NUDT1: variants seen among roughly 807,000 people sequenced by gnomAD.
NUDT1 encodes oxidized purine nucleoside triphosphate hydrolase.
In NUDT1, 16 loss-of-function variants were observed where a neutral mutation model predicts 11.3. The observed-to-expected ratio is 1.41, with a 90% CI of 0.96 to 2.15. NUDT1 has a LOEUF of 2.15. NUDT1 is among the 30% of genes most tolerant of loss of function. The pLI is 0.00. For synonymous variants in NUDT1, 101 were observed against 84.4 expected, an observed-to-expected ratio of 1.20 and a Z score of -1.08; for missense variants, 234 against 208.4, an observed-to-expected ratio of 1.12 and a Z score of -0.76.
chr7:2,245,019 G>C (rs935246207), intron 2 of NUDT1, among the ~76,000 whole-genome samples: 1 of 152,160 alleles, frequency 6.6e-6, no homozygotes, highest in African/African-American at 2.4e-5. Flanking sequence ...GCTGCAGGGC[G>C]TATCTGGAAG....
chr7:2,244,443 T>G (rs1584635965), intron 1 of NUDT1, 120 bp from the exon 2 acceptor site: 2 of 982,990 alleles, frequency 2.0e-6, no homozygotes, highest in Non-Finnish European at 2.9e-6. Context: ...GGCTGGGGAG[T>G]TACAGCATAC....
rs146024937 is a variant in NUDT1 at position 2,244,638 on chromosome 7, A to C, written c.64A>C (p.Met22Leu). ...VLQPQRVLLGMKKRGFGAGRW... is the reference protein window; with the variant it reads ...VLQPQRVLLGLKKRGFGAGRW... ...GCAGCCTCAGCGAGTTCTCCTGGGCATGAAAAAGCGAGGCTTCGGGGCCGG... is the reference window on the plus strand; with the variant it reads ...GCAGCCTCAGCGAGTTCTCCTGGGCCTGAAAAAGCGAGGCTTCGGGGCCGG... Residue 22 changes from methionine to leucine, a missense_variant, in exon 2 of 4, where the codon ATG (methionine) becomes CTG (leucine). By Grantham distance (15) the Met-to-Leu change is conservative. Coordinates refer to ENST00000356714, the MANE Select transcript of NUDT1 (RefSeq NM_002452.4). 8.7e-6 allele frequency: 14 copies of C among 1,613,832 alleles called. No homozygotes were observed. In the African/African-American group the frequency reaches 1.6e-4, roughly 18 times the overall value.
chr7:2,246,651 C>T (rs1794777390), intron 2 of NUDT1, among the ~76,000 whole-genome samples: 1 of 152,180 alleles, frequency 6.6e-6, no homozygotes, highest in Admixed American at 6.5e-5. Context: ...TTCCTCCTAC[C>T]CTCTGTAAAT....
rs755079211 is a variant in NUDT1 at position 2,249,953 on chromosome 7, G to A, written c.249G>A (p.Val83=). 1.2e-6 allele frequency: 2 copies of A among 1,614,068 alleles called. No individual in the cohort carries two copies. The highest frequency in any genetic ancestry group is 1.7e-6 in the Non-Finnish European group (2 of 1,180,048). The change falls in exon 3 of 4, where the codon GTG becomes GTA. Residue 83 remains valine, a synonymous_variant. Coordinates refer to ENST00000356714, the MANE Select transcript of NUDT1 (RefSeq NM_002452.4). ...EFVGEPELMD[V]HVFCTDSIQG... is the part of the protein sequence containing the mutation. The stretch of plus-strand genomic sequence containing the variant: ...TGGGCGAGCCTGAGCTCATGGACGT[G>A]CATGTCTTCTGCACAGACAGCATCC...
intron 1 of NUDT1, among the ~76,000 whole-genome samples, chr7:2,243,610 T>A (rs2115050980): frequency 6.6e-6 from 1 of 152,180 alleles, no homozygotes; most frequent in African/African-American, 2.4e-5. Flanking sequence ...CCATCTCTAC[T>A]AAAAATACAG....
intron 3 of NUDT1, 94 bp from the exon 4 acceptor site, chr7:2,250,735 G>A (rs544102008): frequency 1.6e-6 from 2 of 1,274,706 alleles, no homozygotes; most frequent in African/African-American, 1.4e-5. Context: ...TGGGATTACA[G>A]GCGTGAGCCA....
chr7:2,242,983 C>T (rs545229815), intron 1 of NUDT1: 2 of 716,636 alleles, frequency 2.8e-6, no homozygotes, highest in African/African-American at 1.7e-5. Context: ...AGAGTGAGTG[C>T]AAGGTTTTAT....
rs1794693294 is a variant in NUDT1, at chr7:2,244,600, T to C, written c.26T>C (p.Leu9Pro). 2 of 1,610,708 alleles carry C rather than the reference T, an allele frequency of 1.2e-6. No homozygotes were observed. Among genetic ancestry groups the C allele is most frequent in the Middle Eastern group, 1.7e-4 (1 of 6,056 alleles). MGASRLYTLVLVLQPQRVL... is the reference protein window; with the variant it reads MGASRLYTPVLVLQPQRVL... ...ATGGGCGCCTCCAGGCTCTATACCC[T>C]GGTGCTGGTCCTGCAGCCTCAGCGA... The change falls in exon 2 of 4, where the codon CTG becomes CCG. Residue 9 changes from leucine (L) to proline (P), a missense_variant. Leu to Pro is a moderately conservative substitution (Grantham distance 98, BLOSUM62 -3). Transcript: ENST00000356714.
At chr7:2,249,762 GC>G in intron 2 of NUDT1, 94 bp from the exon 3 acceptor site, 3 of 1,533,224 alleles carry the variant, frequency 2.0e-6, no homozygotes, top group Non-Finnish European at 2.7e-6. Flanking sequence ...GGCTCCCTGG[GC>G]TGTGTGTAGA....
At chr7:2,247,204 G>A (rs924088580) in intron 2 of NUDT1, among the ~76,000 whole-genome samples, 3 of 152,122 alleles carry the variant, frequency 2.0e-5, no homozygotes, top group Admixed American at 6.5e-5. Flanking sequence ...TCGGCAGCCC[G>A]GTCTCTGGGG....
intron 2 of NUDT1, among the ~76,000 whole-genome samples, chr7:2,248,356 G>A (rs1445187247): frequency 2.6e-5 from 4 of 152,136 alleles, no homozygotes; most frequent in African/African-American, 4.8e-5. Flanking sequence ...GCAAGCAAAC[G>A]CTCAGAACGG....
intron 2 of NUDT1, chr7:2,249,432 C>G (rs1303745115): frequency 3.8e-6 from 1 of 266,624 alleles, no homozygotes; most frequent in Non-Finnish European, 7.4e-6. Flanking sequence ...TGCATGGGCT[C>G]TGATGCTCAG....
chr7:2,244,226 C>T (rs995997651), intron 1 of NUDT1, among the ~76,000 whole-genome samples: 1 of 152,102 alleles, frequency 6.6e-6, no homozygotes, highest in African/African-American at 2.4e-5. Context: ...CAGGGGGTTC[C>T]TGGGGGTAGA....
rs1794697830 is a variant in NUDT1, at chr7:2,244,670, G to A, written c.96G>A (p.Trp32Ter). 3.7e-6 allele frequency: 6 copies of A among 1,613,576 alleles called. No homozygotes were observed. The highest frequency in any genetic ancestry group is 5.1e-6 in the Non-Finnish European group (6 of 1,179,876). ...MKKRGFGAGR[W>*]NGFGGKVQEG... ...AGCGAGGCTTCGGGGCCGGCCGGTG[G>A]AATGGCTTTGGGGGCAAAGTGCAAG... The change falls in exon 2 of 4, where the codon TGG becomes TGA. Residue 32 changes from tryptophan (W) to a stop codon, truncating the protein, a stop_gained. Transcript: ENST00000356714. LOFTEE classifies it high-confidence loss of function.
chr7:2,242,294 T>C, intron 1 of NUDT1, 38 bp downstream of exon 1: 1 of 971,868 alleles, frequency 1.0e-6, no homozygotes, highest in Non-Finnish European at 1.5e-6. Context: ...GGAGTCGTGG[T>C]GACCAGGGAG....
intron 2 of NUDT1, 60 bp downstream of exon 2, chr7:2,244,786 TG>T (rs1794707577): frequency 3.1e-5 from 49 of 1,560,366 alleles, no homozygotes; most frequent in Non-Finnish European, 4.0e-5. Context: ...GGATTCGGGC[TG>T]TAGGGCCACA....
intron 2 of NUDT1, among the ~76,000 whole-genome samples, chr7:2,246,373 A>G (rs546433351): frequency 4.6e-5 from 7 of 152,342 alleles, no homozygotes; most frequent in Admixed American, 1.3e-4. Flanking sequence ...GCACCAGGAA[A>G]ATGCTCTGAG....
chr7:2,250,253 C>T (rs12531150), intron 3 of NUDT1, among the ~76,000 whole-genome samples: 47,999 of 152,080 alleles, frequency 0.32, 8,361 homozygotes, highest in East Asian at 0.56. Context: ...TATAAACGAT[C>T]GTCAGGTTCC....
At chr7:2,248,077 G>C (rs1794838557) in intron 2 of NUDT1, 1 of 152,304 alleles carries the variant, frequency 6.6e-6, no homozygotes. Flanking sequence ...ATTTAGACCA[G>C]GCATGGTGGC....
Sources: allele counts gnomAD v4.1 joint callset (sites outside exome capture counted in the v4.1 genomes callset), GRCh38; gene constraint gnomAD v4.1.1; transcripts MANE v1.5; gene names NCBI Gene and HGNC (gene_info 2026-07-23, HGNC 2026-07-21).